RELN: variants seen among roughly 807,000 people sequenced by gnomAD.
RELN encodes reelin.
A neutral mutation model predicts 427.6 loss-of-function variants in RELN; 108 were observed. The observed-to-expected ratio is 0.25, with a 90% CI of 0.22 to 0.30. RELN has a LOEUF of 0.30. Ranked by LOEUF, RELN falls within the 10% of genes least tolerant of loss-of-function variation. RELN has a pLI of 1.00. For missense variants in RELN, 3,715 were observed against 4,302.8 expected (o/e 0.86, Z 3.82); for synonymous variants, 1,524 against 1,513.4 (o/e 1.01, Z -0.16).
chr7:103,943,913 G>C (rs1002534051), intron 1 of RELN, among the ~76,000 whole-genome samples: 3 of 145,204 alleles, frequency 2.1e-5, no homozygotes, highest in Non-Finnish European at 4.5e-5. Context: ...ATAGATAACT[G>C]TTCCCTTAAA....
At chr7:103,681,005 A>G (rs1008742050) in intron 11 of RELN, among the ~76,000 whole-genome samples, 1 of 152,152 alleles carries the variant, frequency 6.6e-6, no homozygotes, top group Non-Finnish European at 1.5e-5. Context: ...GGTCAACTGC[A>G]GTAGAAATTC....
Position 103,489,709 on chromosome 7 carries a change from C to T in RELN, c.9763+33G>A, listed in dbSNP as rs1431900268. 4 of 1,611,946 alleles carry T rather than the reference C, an allele frequency of 2.5e-6. No homozygotes were observed. In the Admixed American group the frequency reaches 5.0e-5, roughly 20 times the overall value. ...TAAGATGAGGAGAACCTCTTGGTCT[C>T]CTCTATCAAAGTTGGCAGCCTGGGA... On this transcript the variant is annotated intron_variant, in intron 60 of 64. Coordinates refer to ENST00000428762, the MANE Select transcript of RELN (RefSeq NM_005045.4).
At chr7:103,917,027 T>A (rs755454748) in intron 2 of RELN, 48 bp downstream of exon 2, 1 of 1,286,462 alleles carries the variant, frequency 7.8e-7, no homozygotes, top group Non-Finnish European at 1.1e-6. Flanking sequence ...ATAAGACCTA[T>A]GACTGTATAA....
chr7:103,791,241 G>C (rs1486483536), intron 3 of RELN, among the ~76,000 whole-genome samples: 1 of 152,136 alleles, frequency 6.6e-6, no homozygotes, highest in Admixed American at 6.5e-5. Context: ...GTATTTTCCA[G>C]AAATTGATAG....
In RELN at chr7:103,753,226, G is replaced by A; in HGVS notation, c.545-12C>T. 1 of 1,613,886 alleles carries A rather than the reference G, an allele frequency of 6.2e-7. No homozygotes were observed. The highest frequency in any genetic ancestry group is 1.6e-4 in the Middle Eastern group (1 of 6,062). ...GACATCTGTTGGAGCTGAATCAAGAGAGGAAAGAAGAAAGACAACTGATCA... is the reference window on the plus strand; with the variant it reads ...GACATCTGTTGGAGCTGAATCAAGAAAGGAAAGAAGAAAGACAACTGATCA... On this transcript the variant is annotated splice_polypyrimidine_tract_variant and intron_variant, in intron 4 of 64. Transcript: ENST00000428762.
At chr7:103,579,881 A>C (rs986219658) in intron 28 of RELN, among the ~76,000 whole-genome samples, 3 of 152,140 alleles carry the variant, frequency 2.0e-5, no homozygotes, top group Admixed American at 6.5e-5. Flanking sequence ...GAGTATTCTG[A>C]AGAATACTAA....
intron 2 of RELN, among the ~76,000 whole-genome samples, chr7:103,871,106 T>C (rs1005119639): frequency 1.3e-5 from 2 of 152,084 alleles, no homozygotes; most frequent in Non-Finnish European, 2.9e-5. Context: ...AGTTTTAAGA[T>C]TGATTATGGT....
At chr7:103,583,796 G>A (rs1313093074) in intron 28 of RELN, among the ~76,000 whole-genome samples, 3 of 152,254 alleles carry the variant, frequency 2.0e-5, no homozygotes, top group Admixed American at 6.5e-5. Flanking sequence ...AGCGTCAGCA[G>A]TCCACCTCCC....
chr7:103,770,913 CTT>C (rs751942279), intron 4 of RELN, among the ~76,000 whole-genome samples: 8 of 119,110 alleles, frequency 6.7e-5, no homozygotes, highest in South Asian at 2.8e-4. Flanking sequence ...CAATCGCTTA[CTT>C]TTTTTTTTTT....
At chr7:103,566,794 A>G in intron 31 of RELN, 35 bp from the exon 32 acceptor site, 3 of 1,598,078 alleles carry the variant, frequency 1.9e-6, no homozygotes, top group Non-Finnish European at 2.6e-6. Flanking sequence ...TTATTTGGAC[A>G]CTTTCCTAGA....
At chr7:103,967,983 A>G (rs1259552333) in intron 1 of RELN, among the ~76,000 whole-genome samples, 1 of 151,020 alleles carries the variant, frequency 6.6e-6, no homozygotes, top group Non-Finnish European at 1.5e-5. Flanking sequence ...ATTTTCAAGT[A>G]CATATTTCTC....
intron 1 of RELN, among the ~76,000 whole-genome samples, chr7:103,966,143 T>G (rs1034726799): frequency 4.6e-5 from 7 of 152,188 alleles, no homozygotes; most frequent in African/African-American, 1.7e-4. Context: ...GACAAAATGC[T>G]TATAATATTA....
At chr7:103,644,487 T>C (rs1451293735) in intron 16 of RELN, among the ~76,000 whole-genome samples, 2 of 148,678 alleles carry the variant, frequency 1.3e-5, no homozygotes, top group Admixed American at 6.8e-5. Context: ...TTACAAAACA[T>C]AGTTGAAAGT....
chr7:103,571,756 A>T (rs1192505657), intron 31 of RELN, among the ~76,000 whole-genome samples: 1 of 152,208 alleles, frequency 6.6e-6, no homozygotes, highest in African/African-American at 2.4e-5. Context: ...CTCCTCCTAC[A>T]CAAGGATTCT....
chr7:103,526,913 C>T (rs1829834308), intron 46 of RELN, among the ~76,000 whole-genome samples: 1 of 152,084 alleles, frequency 6.6e-6, no homozygotes, highest in Non-Finnish European at 1.5e-5. Context: ...GAAAAATGGT[C>T]CCAGAGAAGA....
intron 51 of RELN, among the ~76,000 whole-genome samples, chr7:103,507,283 TAAA>T (rs750243761): frequency 1.8e-4 from 28 of 152,094 alleles, no homozygotes; most frequent in Non-Finnish European, 3.2e-4. Context: ...TAATTGGAAG[TAAA>T]AAACTCCTCA....
rs1792681455 is a variant in RELN at position 103,809,448 on chromosome 7, A to AGG, written c.473+24088_473+24089insCC. On this transcript the variant is annotated intron_variant, in intron 3 of 64. Coordinates refer to ENST00000428762, the MANE Select transcript of RELN (RefSeq NM_005045.4). ...TACCACCTGTGCTACAGGCCTCGCG[A>AGG]GCAGCCAGCCACCTCCAGGAGAGAT... is the stretch of plus-strand genomic sequence containing the variant. Among the ~76,000 whole-genome samples, 6 of 147,014 alleles carry AGG rather than the reference A, an allele frequency of 4.1e-5. No individual in the cohort carries two copies. In the South Asian group the frequency reaches 1.5e-3, roughly 36 times the overall value.
At position 103,640,480 on chromosome 7, in the gene RELN, G is replaced by A. The variant is rs896411950; in HGVS notation, c.2069+63C>T. 29 of 1,528,618 alleles carry A rather than the reference G, an allele frequency of 1.9e-5. No individual in the cohort carries two copies. Among genetic ancestry groups the A allele is most frequent in the Middle Eastern group, 1.7e-4 (1 of 5,922 alleles). 94.7% of individuals were successfully genotyped at this position (1,528,618 alleles called of 1,614,324 possible). A position where few individuals can be genotyped will look rare whatever the true frequency, so the allele number is the denominator to read the frequency against. The stretch of plus-strand genomic sequence containing the variant: ...TAAAAAAGGTTATTAAATGACTTGC[G>A]ACTTCAACACATACATTACACATCA... On this transcript the variant is annotated intron_variant, in intron 17 of 64. Transcript: ENST00000428762. This position sits in a 1 kb window ranked among gnomAD's most constrained non-coding sequence, Gnocchi z 4.1.
At chr7:103,917,809 C>T (rs1462259944) in intron 1 of RELN, among the ~76,000 whole-genome samples, 1 of 152,094 alleles carries the variant, frequency 6.6e-6, no homozygotes, top group African/African-American at 2.4e-5. Flanking sequence ...ACCATAAAAT[C>T]AGGACGTTGC....
Sources: allele counts gnomAD v4.1 joint callset (sites outside exome capture counted in the v4.1 genomes callset), GRCh38; gene constraint gnomAD v4.1.1; non-coding constraint Gnocchi (gnomAD v3.1); transcripts MANE v1.5; gene names NCBI Gene and HGNC (gene_info 2026-07-23, HGNC 2026-07-21).